COL19A1: variants seen among roughly 807,000 people sequenced by gnomAD.
COL19A1 encodes collagen type XIX alpha 1 chain.
A neutral mutation model predicts 190.2 loss-of-function variants in COL19A1; 159 were observed. The ratio of observed to expected loss-of-function variants is 0.84; its 90% CI spans 0.73 to 0.95. The LOEUF is 0.95. Ranked by LOEUF, COL19A1 falls within the 40% of genes least tolerant of loss-of-function variation. The pLI is 0.00. For missense variants in COL19A1, 1,418 were observed against 1,431.9 expected, an observed-to-expected ratio of 0.99 and a Z score of 0.16; for synonymous variants, 509 against 458.9, an observed-to-expected ratio of 1.11 and a Z score of -1.39.
chr6:70,128,712 C>G (rs979221999), intron 17 of COL19A1, among the ~76,000 whole-genome samples: 2 of 152,168 alleles, frequency 1.3e-5, no homozygotes, highest in African/African-American at 4.8e-5. Flanking sequence ...TAGACTTAGT[C>G]TGAGCTCAAT....
intron 41 of COL19A1, among the ~76,000 whole-genome samples, chr6:70,175,773 T>C (rs1269654344): frequency 6.6e-6 from 1 of 152,166 alleles, no homozygotes; most frequent in Non-Finnish European, 1.5e-5. Context: ...TTGCATTAAA[T>C]TTATAAATTA....
chr6:70,205,584 G>A (rs546191844), intron 49 of COL19A1, among the ~76,000 whole-genome samples: 2 of 152,254 alleles, frequency 1.3e-5, no homozygotes, highest in East Asian at 3.9e-4. Context: ...ATCTTTAAGG[G>A]GCTGTTTAAG....
intron 7 of COL19A1, among the ~76,000 whole-genome samples, chr6:69,935,673 T>C (rs560129413): frequency 6.6e-6 from 1 of 151,884 alleles, no homozygotes; most frequent in Admixed American, 6.6e-5. Flanking sequence ...ACAGTTTTTA[T>C]TGTAATTATC....
intron 49 of COL19A1, among the ~76,000 whole-genome samples, chr6:70,200,236 G>A (rs558107091): frequency 6.6e-6 from 1 of 152,284 alleles, no homozygotes; most frequent in Non-Finnish European, 1.5e-5. Context: ...CTTGTGGATG[G>A]TAACTTGAAT....
At chr6:69,973,801 A>T (rs936165599) in intron 11 of COL19A1, 1 of 152,190 alleles carries the variant, frequency 6.6e-6, no homozygotes, top group Non-Finnish European at 1.5e-5. Flanking sequence ...ATTCGATGTC[A>T]CCAAATATTA....
At chr6:69,979,800 A>G (rs933617082) in intron 11 of COL19A1, among the ~76,000 whole-genome samples, 2 of 151,708 alleles carry the variant, frequency 1.3e-5, no homozygotes, top group Admixed American at 6.6e-5. Context: ...TTAAACATCT[A>G]GGAATGTAAT....
intron 3 of COL19A1, among the ~76,000 whole-genome samples, chr6:69,899,513 ATCTGTGATCAAC>A (rs1770018965): frequency 6.6e-6 from 1 of 152,096 alleles, no homozygotes; most frequent in African/African-American, 2.4e-5. Flanking sequence ...TATATGTTTA[ATCTGTGATCAAC>A]AATACCTCAA....
chr6:69,924,702 A>G (rs1242483651), intron 4 of COL19A1, among the ~76,000 whole-genome samples: 1 of 152,192 alleles, frequency 6.6e-6, no homozygotes, highest in African/African-American at 2.4e-5. Context: ...AGTCCCACCA[A>G]CAGTGTAAAA....
At chr6:70,198,561 T>C (rs1767351063) in intron 48 of COL19A1, among the ~76,000 whole-genome samples, 1 of 152,192 alleles carries the variant, frequency 6.6e-6, no homozygotes, top group Non-Finnish European at 1.5e-5. Flanking sequence ...ATACTAAATA[T>C]AAACAAACCA....
At chr6:69,918,127 T>C (rs1771432828) in intron 4 of COL19A1, among the ~76,000 whole-genome samples, 1 of 152,124 alleles carries the variant, frequency 6.6e-6, no homozygotes, top group Non-Finnish European at 1.5e-5. Context: ...AGGAGTCAGA[T>C]CACATCATAC....
intron 15 of COL19A1, among the ~76,000 whole-genome samples, chr6:70,097,194 C>T (rs1783329289): frequency 6.6e-6 from 1 of 152,108 alleles, no homozygotes; most frequent in South Asian, 2.1e-4. Context: ...CACTGCAAGT[C>T]ATCCTGGAAG....
In COL19A1 at chr6:69,888,792, A is replaced by C. The variant is rs796471775; in HGVS notation, c.91+9134A>C. Reference sequence around the variant, plus strand: ...GACTCTAGCTCAAAAAAAAAAAAAAAAAAGCAGTGTTCCCATTTTTTCTTG... The same window carrying C: ...GACTCTAGCTCAAAAAAAAAAAAAACAAAGCAGTGTTCCCATTTTTTCTTG... On this transcript the variant is annotated intron_variant, in intron 2 of 50. Transcript: ENST00000620364. Among the ~76,000 whole-genome samples, 995 of 136,126 alleles carry C rather than the reference A, an allele frequency of 7.3e-3. 25 individuals carry two copies. In the East Asian group the frequency reaches 0.074, roughly 10 times the overall value. The allele number at this position is 136,126 out of a possible 152,430, so 89.3% of individuals were successfully genotyped here.
chr6:70,041,713 A>T (rs1779642074), intron 14 of COL19A1, among the ~76,000 whole-genome samples: 1 of 152,128 alleles, frequency 6.6e-6, no homozygotes, highest in African/African-American at 2.4e-5. Flanking sequence ...AGTTTAAAAA[A>T]TTATAAAAAA....
rs554462186 is a variant in COL19A1, at chr6:70,089,986, C to T, written c.1225-12183C>T. ...TGTAAGATTAAAAATATTTTTTAGCCTGGGCAACATAGAGACACCCATCTC... is the reference window on the plus strand; with the variant it reads ...TGTAAGATTAAAAATATTTTTTAGCTTGGGCAACATAGAGACACCCATCTC... On this transcript the variant is annotated intron_variant, in intron 15 of 50. Coordinates refer to ENST00000620364, the MANE Select transcript of COL19A1 (RefSeq NM_001858.6). Among the ~76,000 whole-genome samples the T allele has an allele frequency of 2.0e-5, 3 of 151,782 alleles. No homozygotes were observed. The South Asian group carries it at 6.3e-4, about 32-fold the overall frequency.
At chr6:70,124,173 G>A (rs538356614) in intron 17 of COL19A1, among the ~76,000 whole-genome samples, 36 of 152,118 alleles carry the variant, frequency 2.4e-4, no homozygotes, top group Non-Finnish European at 4.1e-4. Context: ...AAAGAATGCT[G>A]AAGCATGTTT....
intron 16 of COL19A1, among the ~76,000 whole-genome samples, chr6:70,116,073 A>AT (rs575480525): frequency 6.0e-4 from 91 of 152,142 alleles, no homozygotes; most frequent in Non-Finnish European, 8.8e-4. Context: ...AACATTATTG[A>AT]TTTTTTCCCC....
rs761495496 is a variant in COL19A1, at chr6:70,034,313, C to T, written c.1134+15C>T. The T allele has an allele frequency of 6.2e-7, 1 of 1,605,980 alleles. No homozygotes were observed. The highest frequency in any genetic ancestry group is 8.5e-7 in the Non-Finnish European group (1 of 1,172,650). On this transcript the variant is annotated intron_variant, in intron 13 of 50. Coordinates refer to ENST00000620364, the MANE Select transcript of COL19A1 (RefSeq NM_001858.6). Reference sequence around the variant, plus strand: ...AAGGAGAAAAGGTATTGTGTTTACCCAGCCAAGCCCAACCTTTCTTTAAGA... The same window carrying T: ...AAGGAGAAAAGGTATTGTGTTTACCTAGCCAAGCCCAACCTTTCTTTAAGA...
intron 13 of COL19A1, 52 bp from the exon 14 acceptor site, chr6:70,035,852 A>T: frequency 6.8e-7 from 1 of 1,463,366 alleles, no homozygotes; most frequent in Non-Finnish European, 9.5e-7. Flanking sequence ...TTTATAAATA[A>T]TGTGCAAAAA....
intron 48 of COL19A1, among the ~76,000 whole-genome samples, chr6:70,193,314 T>A (rs1012019969): frequency 1.3e-5 from 2 of 152,160 alleles, no homozygotes; most frequent in South Asian, 2.1e-4. Context: ...AGGAGGCAGG[T>A]CAGGGGAGTT....
Sources: gnomAD v4.1 joint callset for allele counts (sites outside exome capture counted in the v4.1 genomes callset) on GRCh38, gnomAD v4.1.1 for gene constraint, MANE v1.5 for transcripts, NCBI Gene and HGNC (gene_info 2026-07-23, HGNC 2026-07-21) for gene names.